The following YPEL5 variants were observed in gnomAD, a reference collection of about 807,000 sequenced individuals.
YPEL5 encodes yippee like 5, also known as protein yippee-like 5.
In YPEL5, 1 loss-of-function variant was observed where a neutral mutation model predicts 10.5. The ratio of observed to expected loss-of-function variants is 0.10; its 90% confidence interval spans 0.03 to 0.45. The LOEUF is 0.45. YPEL5 is among the 20% of genes least tolerant of loss of function. YPEL5 has a pLI of 0.97. For synonymous variants in YPEL5, 61 were observed against 56.6 expected (o/e 1.08, Z -0.35); for missense variants, 68 against 159.3 (o/e 0.43, Z 3.09).
chr2:30,155,522 AT>A (rs751980833), intron 1 of YPEL5, among the ~76,000 whole-genome samples: 1 of 152,236 alleles, frequency 6.6e-6, no homozygotes, highest in Admixed American at 6.5e-5. Context: ...TGTATAATAA[AT>A]ATTTAAAACA....
At chr2:30,151,626 C>G (rs1334265200) in intron 1 of YPEL5, among the ~76,000 whole-genome samples, 2 of 152,072 alleles carry the variant, frequency 1.3e-5, no homozygotes, top group African/African-American at 4.8e-5. Flanking sequence ...CCTGGACCTA[C>G]AAGAAAATAG....
chr2:30,147,852 ACCG>A, intron 1 of YPEL5: 11 of 152,388 alleles, frequency 7.2e-5, no homozygotes, highest in South Asian at 1.8e-4. Context: ...CCCCGCCGCC[ACCG>A]CCGCCGCCGC....
chr2:30,158,234 T>A (rs549585891), intron 2 of YPEL5, among the ~76,000 whole-genome samples: 1 of 152,372 alleles, frequency 6.6e-6, no homozygotes, highest in East Asian at 1.9e-4. Flanking sequence ...TGCATTAGGT[T>A]CTTTTACATG....
chr2:30,157,993 T>G (rs1326396933), intron 2 of YPEL5, among the ~76,000 whole-genome samples: 1 of 152,216 alleles, frequency 6.6e-6, no homozygotes, highest in East Asian at 1.9e-4. Flanking sequence ...ATATGTACTA[T>G]CTGGCCCTTT....
intron 1 of YPEL5, among the ~76,000 whole-genome samples, chr2:30,154,400 A>T (rs1335185242): frequency 1.3e-5 from 2 of 152,214 alleles, no homozygotes; most frequent in African/African-American, 4.8e-5. Flanking sequence ...GTGTGAAGCA[A>T]AGTGGAGACT....
At chr2:30,157,596 TC>T (rs1175724738) in intron 2 of YPEL5, among the ~76,000 whole-genome samples, 3 of 152,228 alleles carry the variant, frequency 2.0e-5, no homozygotes, top group Non-Finnish European at 1.5e-5. Context: ...TGCCTGTCTC[TC>T]TAATTTCTGG....
intron 2 of YPEL5, among the ~76,000 whole-genome samples, chr2:30,158,378 T>G (rs137993963): frequency 6.6e-6 from 1 of 152,356 alleles, no homozygotes; most frequent in East Asian, 1.9e-4. Context: ...GTTTAAATAG[T>G]GTGACTTAGG....
chr2:30,156,848 A>G, intron 2 of YPEL5, 56 bp downstream of exon 2: 1 of 1,587,496 alleles, frequency 6.3e-7, no homozygotes, highest in Non-Finnish European at 8.6e-7. Context: ...TTTGACAGCA[A>G]CACCAGAATA....
rs1161998486 is a variant in YPEL5, at chr2:30,159,124, G to A, written c.*281G>A. ...CAGAGTCTGTCTGCAGCTATGTGGT[G>A]AGCTATGTAAGGAAAAAAATCTGGG... is the stretch of plus-strand genomic sequence containing the variant. On this transcript the variant is annotated 3_prime_UTR_variant, in exon 3 of 3. Coordinates refer to ENST00000261353, the MANE Select transcript of YPEL5 (RefSeq NM_016061.3). 6.7e-5 allele frequency: 25 copies of A among 373,684 alleles called. No individual in the cohort carries two copies. The highest frequency in any genetic ancestry group is 7.2e-4 in the Middle Eastern group (1 of 1,390). 23.1% of individuals were successfully genotyped at this position (373,684 alleles called of 1,614,324 possible).
chr2:30,156,924 GC>G, intron 2 of YPEL5, 132 bp downstream of exon 2: 1 of 1,092,524 alleles, frequency 9.2e-7, no homozygotes. Flanking sequence ...AGAAATGATT[GC>G]CCACTAGCTC....
At chr2:30,150,405 G>T (rs777934128) in intron 1 of YPEL5, among the ~76,000 whole-genome samples, 6 of 152,314 alleles carry the variant, frequency 3.9e-5, no homozygotes, top group Non-Finnish European at 7.3e-5. Flanking sequence ...TGAAACAGGA[G>T]AGGATAACTC....
chr2:30,159,521 G>A lies in YPEL5; in HGVS notation c.*678G>A, dbSNP rs553620407. 2 of 152,728 alleles carry A rather than the reference G, an allele frequency of 1.3e-5. No individual in the cohort carries two copies. The highest frequency in any genetic ancestry group is 3.9e-4 in the East Asian group (2 of 5,192). 9.5% of individuals were successfully genotyped at this position (152,728 alleles called of 1,614,324 possible). On this transcript the variant is annotated 3_prime_UTR_variant, in exon 3 of 3. Coordinates refer to ENST00000261353, the MANE Select transcript of YPEL5 (RefSeq NM_016061.3). ...GGTTGTCTTTTTCCATGTAACTTAA[G>A]CATAGTAATATAAATAAAGTAATAG... is the stretch of plus-strand genomic sequence containing the variant.
rs980671926 is a variant in YPEL5 at position 30,154,441 on chromosome 2, G to T, written c.-24-2187G>T. Among the ~76,000 whole-genome samples the T allele has an allele frequency of 2.6e-5, 4 of 152,298 alleles. No homozygotes were observed. The South Asian group carries it at 6.2e-4, about 24-fold the overall frequency. Reference sequence around the variant, plus strand: ...AATAAAATGGCCTGGTGAGGGTTAGGGGGTGCAGGTCACTTGTAGTCAGTT... The same window carrying T: ...AATAAAATGGCCTGGTGAGGGTTAGTGGGTGCAGGTCACTTGTAGTCAGTT... On this transcript the variant is annotated intron_variant, in intron 1 of 2. Coordinates refer to ENST00000261353, the MANE Select transcript of YPEL5 (RefSeq NM_016061.3).
At chr2:30,147,340 G>T (rs1393867483) in intron 1 of YPEL5, among the ~76,000 whole-genome samples, 2 of 149,294 alleles carry the variant, frequency 1.3e-5, no homozygotes, top group East Asian at 4.0e-4. Context: ...CCGCGCAGCC[G>T]GGCGACCGGT....
chr2:30,148,631 T>C (rs929404003), intron 1 of YPEL5: 1 of 152,254 alleles, frequency 6.6e-6, no homozygotes, highest in African/African-American at 2.4e-5. Context: ...GCAATAATTT[T>C]AGCAAGTTAT....
At position 30,156,616 on chromosome 2, in the gene YPEL5, A is replaced by G. The variant is rs116000260; in HGVS notation, c.-24-12A>G. Reference sequence around the variant, plus strand: ...TATAATGCATTTGTTATCCTTTTCTATTTGCTCCTAGGTTTTTAGAACTTC... The same window carrying G: ...TATAATGCATTTGTTATCCTTTTCTGTTTGCTCCTAGGTTTTTAGAACTTC... On this transcript the variant is annotated splice_polypyrimidine_tract_variant and intron_variant, in intron 1 of 2. Transcript: ENST00000261353. 2,717 of 1,611,564 alleles carry G rather than the reference A, an allele frequency of 1.7e-3. 48 individuals are homozygous for G. In the African/African-American group the frequency reaches 0.027, roughly 16 times the overall value.
intron 1 of YPEL5, chr2:30,147,530 G>T (rs1303479336): frequency 6.6e-6 from 1 of 150,470 alleles, no homozygotes; most frequent in Non-Finnish European, 1.5e-5. Context: ...ATAGTCGGGG[G>T]CGCGCCCGGT....
intron 1 of YPEL5, among the ~76,000 whole-genome samples, chr2:30,154,884 G>A (rs886623172): frequency 7.2e-5 from 11 of 152,104 alleles, no homozygotes; most frequent in South Asian, 2.1e-4. Context: ...GACTACAGGC[G>A]TGCGCCACCA....
At chr2:30,157,764 C>A (rs1035980070) in intron 2 of YPEL5, among the ~76,000 whole-genome samples, 3 of 152,212 alleles carry the variant, frequency 2.0e-5, no homozygotes, top group Admixed American at 6.5e-5. Flanking sequence ...CTCCTCTGTT[C>A]CATGTAGAAG....
Sources: gnomAD v4.1 joint callset for allele counts (sites outside exome capture counted in the v4.1 genomes callset) on GRCh38, gnomAD v4.1.1 for gene constraint, MANE v1.5 for transcripts, NCBI Gene and HGNC (gene_info 2026-07-23, HGNC 2026-07-21) for gene names.